Variants in RNF24 observed in about 807,000 individuals in gnomAD.
RNF24 encodes the protein ring finger protein 24.
RNF24 carries 14 observed loss-of-function variants against 20.0 expected under a neutral mutation model. That is an observed-to-expected ratio of 0.70 (90% CI 0.46 to 1.10). The LOEUF is 1.10. RNF24 is among the 50% of genes least tolerant of loss of function. The pLI is 0.00. For missense variants in RNF24, 124 were observed against 177.6 expected (o/e 0.70, Z 1.71); for synonymous variants, 45 against 61.1 (o/e 0.74, Z 1.23).
At chr20:3,987,718 G>T (rs1252216064) in intron 1 of RNF24, among the ~76,000 whole-genome samples, 1 of 152,158 alleles carries the variant, frequency 6.6e-6, no homozygotes, top group Non-Finnish European at 1.5e-5. Flanking sequence ...ATGAACAGAG[G>T]TTCTGAGATT....
rs997092809 is a variant in RNF24, at chr20:3,927,435, AC to A, written c.*6627del. On this transcript the variant is annotated 3_prime_UTR_variant, in exon 6 of 6. Transcript: ENST00000358395. The stretch of plus-strand genomic sequence containing the variant: ...AATTAAATATACAAAAATATAGCTT[AC>A]AAAAAACTGCGAATGTTTAAAAATA... 7.9e-5 allele frequency: 12 copies of A among 152,346 alleles called. No homozygotes were observed. The highest frequency in any genetic ancestry group is 2.4e-4 in the African/African-American group (10 of 41,582). 9.4% of individuals were successfully genotyped at this position (152,346 alleles called of 1,614,324 possible). A position where few individuals can be genotyped will look rare whatever the true frequency, so the allele number is the denominator to read the frequency against.
chr20:3,927,483 G>A lies in RNF24; in HGVS notation c.*6580C>T, dbSNP rs2090740509. On this transcript the variant is annotated 3_prime_UTR_variant, in exon 6 of 6. Coordinates refer to ENST00000358395, the MANE Select transcript of RNF24 (RefSeq NM_001134337.3). Reference sequence around the variant, plus strand: ...AATATTCTGCTGCAGAATTTTTAGTGTACAAAGACGTCTATGAAACCTGAG... The same window carrying A: ...AATATTCTGCTGCAGAATTTTTAGTATACAAAGACGTCTATGAAACCTGAG... 1.3e-5 allele frequency: 2 copies of A among 152,272 alleles called. No homozygotes were observed. The highest frequency in any genetic ancestry group is 4.2e-4 in the South Asian group (2 of 4,814). The allele number at this position is 152,272 out of a possible 1,614,324, so 9.4% of individuals were successfully genotyped here. A position where few individuals can be genotyped will look rare whatever the true frequency, so the allele number is the denominator to read the frequency against.
chr20:4,008,384 TATATATTATATATGTA>T (rs1279626957), intron 1 of RNF24, among the ~76,000 whole-genome samples: 14 of 16,506 alleles, frequency 8.5e-4, no homozygotes, highest in Non-Finnish European at 1.1e-3. Context: ...ATATATAATA[TATATATTATATATGTA>T]ATATGTATAA....
intron 1 of RNF24, among the ~76,000 whole-genome samples, chr20:3,983,724 T>C (rs893405484): frequency 1.3e-5 from 2 of 151,796 alleles, no homozygotes; most frequent in African/African-American, 4.8e-5. Flanking sequence ...GCAGATCACC[T>C]GAGGTCAGAT....
At chr20:4,013,152 AT>A (rs1370098753) in intron 1 of RNF24, among the ~76,000 whole-genome samples, 1 of 151,566 alleles carries the variant, frequency 6.6e-6, no homozygotes. Context: ...ACTTTCATTA[AT>A]TTTTTTTTAC....
At chr20:3,969,506 CAA>C (rs113442389) in intron 1 of RNF24, among the ~76,000 whole-genome samples, 27 of 89,080 alleles carry the variant, frequency 3.0e-4, no homozygotes, top group Middle Eastern at 6.3e-3. Context: ...CAGGTGAAGA[CAA>C]AAAAAAAAAA....
chr20:3,949,095 C>T (rs1023205895), intron 2 of RNF24, among the ~76,000 whole-genome samples: 4 of 152,106 alleles, frequency 2.6e-5, no homozygotes, highest in East Asian at 3.9e-4. Context: ...GTACTCACAC[C>T]GAGGCTGGGC....
intron 2 of RNF24, among the ~76,000 whole-genome samples, chr20:3,961,794 C>T (rs1038112996): frequency 3.3e-5 from 5 of 150,450 alleles, no homozygotes; most frequent in Admixed American, 1.3e-4. Context: ...AATCAACATT[C>T]GTAGAGGAAT....
intron 2 of RNF24, among the ~76,000 whole-genome samples, chr20:3,956,088 G>C (rs925445821): frequency 6.6e-6 from 1 of 152,060 alleles, no homozygotes; most frequent in Admixed American, 6.6e-5. Flanking sequence ...AATGGAGATA[G>C]TTACTTCTTT....
intron 1 of RNF24, among the ~76,000 whole-genome samples, chr20:3,978,834 G>C (rs964826928): frequency 6.6e-6 from 1 of 152,056 alleles, no homozygotes; most frequent in Non-Finnish European, 1.5e-5. Context: ...GGCTGGGTGT[G>C]GTGGCTCATG....
chr20:3,989,379 T>C (rs1192522254), intron 1 of RNF24, among the ~76,000 whole-genome samples: 1 of 151,530 alleles, frequency 6.6e-6, no homozygotes, highest in Non-Finnish European at 1.5e-5. Flanking sequence ...TAGTCCCAGG[T>C]ACTCGGGAGG....
intron 2 of RNF24, among the ~76,000 whole-genome samples, chr20:3,953,977 G>A (rs1264023582): frequency 1.3e-5 from 2 of 151,800 alleles, no homozygotes; most frequent in South Asian, 4.1e-4. Context: ...GGCTGGTCTC[G>A]AACTCCTGAC....
rs773366264 is a variant in RNF24, at chr20:3,964,009, C to T, written c.9G>A (p.Ser3=). 21 of 1,612,200 alleles carry T rather than the reference C, an allele frequency of 1.3e-5. No homozygotes were observed. The East Asian group carries it at 2.7e-4, about 21-fold the overall frequency. ...TCCTGAAGTTGTAATGTGGGAAATC[C>T]GAGCTCATGGATGAACTGTGGGGGA... MS[S]DFPHYNFRMP... Residue 3 remains serine (S), a synonymous_variant, in exon 2 of 6, where the codon TCG becomes TCA. Transcript: ENST00000358395.
At chr20:3,999,970 A>G (rs1281484058) in intron 1 of RNF24, among the ~76,000 whole-genome samples, 1 of 152,186 alleles carries the variant, frequency 6.6e-6, no homozygotes, top group African/African-American at 2.4e-5. Flanking sequence ...ATAGAAATAG[A>G]AAGTAGATTG....
chr20:3,935,251 G>T (rs2090876769), intron 4 of RNF24, among the ~76,000 whole-genome samples, 178 bp from the exon 5 acceptor site: 1 of 152,114 alleles, frequency 6.6e-6, no homozygotes, highest in African/African-American at 2.4e-5. Context: ...ATAGATGAAT[G>T]TCTCCTGCTC....
chr20:3,958,553 A>G (rs921921616), intron 2 of RNF24, among the ~76,000 whole-genome samples: 4 of 152,160 alleles, frequency 2.6e-5, no homozygotes, highest in African/African-American at 9.7e-5. Context: ...GAACTTTTCA[A>G]TTGTTATCCT....
intron 4 of RNF24, among the ~76,000 whole-genome samples, chr20:3,942,458 C>T (rs1182038136): frequency 1.3e-5 from 2 of 151,772 alleles, no homozygotes; most frequent in African/African-American, 4.8e-5. Context: ...TGTGAACCAC[C>T]GTGTCCGGCC....
intron 1 of RNF24, among the ~76,000 whole-genome samples, chr20:3,969,016 T>A (rs546271552): frequency 2.0e-5 from 3 of 152,292 alleles, no homozygotes; most frequent in Non-Finnish European, 4.4e-5. Context: ...AACCACGGAT[T>A]TGTCAGTAAT....
At chr20:3,946,566 G>A (rs780922309) in intron 3 of RNF24, among the ~76,000 whole-genome samples, 5 of 151,900 alleles carry the variant, frequency 3.3e-5, no homozygotes, top group Non-Finnish European at 7.4e-5. Flanking sequence ...GTGTGCGCCT[G>A]TAGCCCCAGC....
Sources: gnomAD v4.1 joint callset for allele counts (sites outside exome capture counted in the v4.1 genomes callset) on GRCh38, gnomAD v4.1.1 for gene constraint, MANE v1.5 for transcripts, NCBI Gene and HGNC (gene_info 2026-07-23, HGNC 2026-07-21) for gene names.